The following YAE1 variants were observed in gnomAD, a reference collection of about 807,000 sequenced individuals.
YAE1 encodes the protein protein YAE1 homolog.
In YAE1, 22 loss-of-function variants were observed where a neutral mutation model predicts 23.0. That is an observed-to-expected ratio of 0.96 (90% CI 0.68 to 1.37). The LOEUF (loss-of-function observed/expected upper bound fraction) is 1.37, where lower values mean the gene tolerates loss of function less well. YAE1 is among the 40% of genes most tolerant of loss of function. The probability of loss-of-function intolerance (pLI) is 0.00; values close to 1 mark genes in which losing one functional copy is unlikely to be tolerated. For missense variants in YAE1, 260 were observed against 262.1 expected, an observed-to-expected ratio of 0.99 and a Z score of 0.06; for synonymous variants, 101 against 97.0, an observed-to-expected ratio of 1.04 and a Z score of -0.24.
intron 2 of YAE1, among the ~76,000 whole-genome samples, chr7:39,587,635 C>T (rs1333540497): frequency 1.3e-5 from 2 of 152,154 alleles, no homozygotes; most frequent in African/African-American, 4.8e-5. Flanking sequence ...CTGCCACATC[C>T]CCTGCTTTGG....
At chr7:39,580,027 A>C (rs1390995943) in intron 2 of YAE1, among the ~76,000 whole-genome samples, 2 of 152,236 alleles carry the variant, frequency 1.3e-5, no homozygotes, top group Non-Finnish European at 2.9e-5. Context: ...CCTAGGCAAC[A>C]GAGTGAGACC....
intron 2 of YAE1, among the ~76,000 whole-genome samples, chr7:39,580,295 T>C (rs1369019703): frequency 6.6e-6 from 1 of 152,238 alleles, no homozygotes; most frequent in Non-Finnish European, 1.5e-5. Context: ...CTTTTACATA[T>C]TCCTATTCAA....
chr7:39,587,703 A>G (rs1274694000), intron 2 of YAE1, among the ~76,000 whole-genome samples: 1 of 152,130 alleles, frequency 6.6e-6, no homozygotes, highest in Admixed American at 6.5e-5. Context: ...CAAAATACAT[A>G]TTTTGCTGTG....
rs567610589 is a variant in YAE1 at position 39,586,700 on chromosome 7, T to G, written c.251+16073T>G. 3.9e-5 allele frequency among the ~76,000 whole-genome samples: 6 copies of G among 152,028 alleles called. No homozygotes were observed. In the East Asian group the frequency reaches 7.8e-4, roughly 20 times the overall value. On this transcript the variant is annotated intron_variant, in intron 2 of 2. Coordinates refer to the YAE1 transcript ENST00000432096. ...TTTTAGTAGAGACGGGGTTTCACCGTGTTAGCCAGGATGGCCTCCATCTCC... is the reference window on the plus strand; with the variant it reads ...TTTTAGTAGAGACGGGGTTTCACCGGGTTAGCCAGGATGGCCTCCATCTCC...
At chr7:39,596,472 AGCCTCAGCCTC>A (rs1421796640) in intron 2 of YAE1, among the ~76,000 whole-genome samples, 4 of 151,976 alleles carry the variant, frequency 2.6e-5, no homozygotes, top group African/African-American at 4.8e-5. Context: ...TCCTAACCTC[AGCCTCAGCCTC>A]GCCTCAGCCT....
At chr7:39,579,913 A>C (rs1412648860) in intron 2 of YAE1, among the ~76,000 whole-genome samples, 1 of 151,984 alleles carries the variant, frequency 6.6e-6, no homozygotes, top group African/African-American at 2.4e-5. Context: ...GCATGGTGGC[A>C]TGCAACCTGT....
At chr7:39,595,039 A>G (rs546549716) in intron 2 of YAE1, among the ~76,000 whole-genome samples, 354 of 152,206 alleles carry the variant, frequency 2.3e-3, no homozygotes, top group Non-Finnish European at 3.3e-3. Flanking sequence ...TCTTTTAGAG[A>G]TAAACTTTTT....
rs574594771 is a variant in YAE1, at chr7:39,567,783, A to G, written c.129+1236A>G. ...TTGTACATTATGCTACTATAAGTCT[A>G]GTGGATTCTCCTATCCGCAGAGCCT... is the stretch of plus-strand genomic sequence containing the variant. On this transcript the variant is annotated intron_variant, in intron 1 of 2. Transcript: ENST00000223273. Among the ~76,000 whole-genome samples the G allele has an allele frequency of 3.9e-3, 589 of 152,322 alleles. 5 individuals carry two copies. Among genetic ancestry groups the G allele is most frequent in the Non-Finnish European group, 6.9e-3 (468 of 68,036 alleles).
At chr7:39,609,687 C>A (rs1032563005) in exon 3 of YAE1, 2 of 1,535,712 alleles carry the variant, frequency 1.3e-6, no homozygotes, top group South Asian at 2.4e-5. Context: ...GACGCAACTA[C>A]TGCCGCGTCC....
chr7:39,591,548 AG>A (rs1208757025), intron 2 of YAE1, among the ~76,000 whole-genome samples: 3 of 152,110 alleles, frequency 2.0e-5, no homozygotes, highest in African/African-American at 7.2e-5. Context: ...TTAAGTTCAC[AG>A]CAAAATTGAA....
At chr7:39,579,159 C>G (rs923844752) in intron 2 of YAE1, among the ~76,000 whole-genome samples, 12 of 152,194 alleles carry the variant, frequency 7.9e-5, no homozygotes, top group Non-Finnish European at 1.3e-4. Context: ...ATATTAATTT[C>G]TTTAATCCTC....
At chr7:39,598,409 C>A (rs2115836366) in intron 2 of YAE1, among the ~76,000 whole-genome samples, 1 of 127,456 alleles carries the variant, frequency 7.8e-6, no homozygotes, top group East Asian at 2.1e-4. Flanking sequence ...GCACCTGGGC[C>A]AAGTTTTTTT....
chr7:39,593,000 C>T (rs912092271), intron 2 of YAE1, among the ~76,000 whole-genome samples: 8 of 151,924 alleles, frequency 5.3e-5, no homozygotes, highest in Non-Finnish European at 4.4e-5. Context: ...GGACTCTGCT[C>T]ATTTTCTCCC....
At chr7:39,610,014 G>A in exon 3 of YAE1, 1 of 1,504,058 alleles carries the variant, frequency 6.6e-7, no homozygotes. Flanking sequence ...AGGGCAGCTT[G>A]TGCTTAGGAA....
At chr7:39,576,515 A>T (rs952814359), downstream of YAE1, among the ~76,000 whole-genome samples, 1 of 152,166 alleles carries the variant, frequency 6.6e-6, no homozygotes, top group African/African-American at 2.4e-5. Flanking sequence ...TGCTTTATGG[A>T]CACACTAGGC....
downstream of YAE1, chr7:39,572,987 C>G (rs958658952): frequency 4.0e-6 from 3 of 747,326 alleles, no homozygotes; most frequent in African/African-American, 5.7e-5. Context: ...TTTTCAGACT[C>G]ATTAGCAAAA....
At chr7:39,607,756 C>T (rs1249961835) in intron 2 of YAE1, among the ~76,000 whole-genome samples, 1 of 152,232 alleles carries the variant, frequency 6.6e-6, no homozygotes, top group Non-Finnish European at 1.5e-5. Context: ...GCCACCTCTG[C>T]CTCCCGGGTT....
chr7:39,588,305 A>G (rs1790849824), intron 2 of YAE1, among the ~76,000 whole-genome samples: 1 of 152,190 alleles, frequency 6.6e-6, no homozygotes, highest in African/African-American at 2.4e-5. Flanking sequence ...TGAGGTCAGG[A>G]GTTCAAGAAC....
intron 2 of YAE1, among the ~76,000 whole-genome samples, chr7:39,578,460 CT>C (rs1477894155): frequency 6.6e-6 from 1 of 152,212 alleles, no homozygotes. Context: ...TGCAATAAAT[CT>C]TTCTGCTGTT....
Sources: allele counts gnomAD v4.1 joint callset (sites outside exome capture counted in the v4.1 genomes callset), GRCh38; gene constraint gnomAD v4.1.1; transcripts MANE v1.5; gene names NCBI Gene and HGNC (gene_info 2026-07-23, HGNC 2026-07-21).